MTX2: variants seen among roughly 807,000 people sequenced by gnomAD.
The protein encoded by MTX2 is metaxin 2.
A neutral mutation model predicts 42.3 loss-of-function variants in MTX2; 35 were observed. The ratio of observed to expected loss-of-function variants is 0.83; its 90% CI spans 0.63 to 1.10. The LOEUF is 1.10. MTX2 is among the 50% of genes least tolerant of loss of function. The pLI is 0.00. For missense variants in MTX2, 307 were observed against 304.1 expected (o/e 1.01, Z -0.07); for synonymous variants, 119 against 100.9 (o/e 1.18, Z -1.08).
chr2:176,286,673 C>G (rs1693210345), intron 1 of MTX2, among the ~76,000 whole-genome samples: 1 of 152,036 alleles, frequency 6.6e-6, no homozygotes, highest in Non-Finnish European at 1.5e-5. Flanking sequence ...CCTCAGCCTC[C>G]CAAGTAGCTG....
chr2:176,310,899 G>T (rs1684287525), intron 3 of MTX2, among the ~76,000 whole-genome samples: 1 of 152,108 alleles, frequency 6.6e-6, no homozygotes, highest in African/African-American at 2.4e-5. Context: ...GCCTACTTCT[G>T]TCAACTTGTG....
chr2:176,337,828 AT>A lies in MTX2; in HGVS notation c.*166del, dbSNP rs1685034149. On this transcript the variant is annotated 3_prime_UTR_variant, in exon 10 of 10. Coordinates refer to ENST00000249442, the MANE Select transcript of MTX2 (RefSeq NM_006554.5). The stretch of plus-strand genomic sequence containing the variant: ...GCTTTATATTGTTATTTGTGTATAC[AT>A]TAAAATAATTCTGAATTATTTAATC... The A allele has an allele frequency of 2.3e-5, 12 of 512,646 alleles. No homozygotes were observed. In the East Asian group the frequency reaches 4.2e-4, roughly 18 times the overall value. The allele number at this position is 512,646 out of a possible 1,614,324, so 31.8% of individuals were successfully genotyped here. A position where few individuals can be genotyped will look rare whatever the true frequency, so the allele number is the denominator to read the frequency against.
At position 176,269,598 on chromosome 2, in the gene MTX2, C is replaced by A; in HGVS notation, c.-32C>A. 6.4e-7 allele frequency: 1 copy of A among 1,567,654 alleles called. No homozygotes were observed. The highest frequency in any genetic ancestry group is 8.6e-7 in the Non-Finnish European group (1 of 1,161,006). On this transcript the variant is annotated 5_prime_UTR_variant, in exon 1 of 10. Coordinates refer to ENST00000249442, the MANE Select transcript of MTX2 (RefSeq NM_006554.5). ...GGAGGACGCTGAGGCCCGTGGGGGG[C>A]AGGCACCCGGGCGCCGGGCCTCCCA...
intron 3 of MTX2, chr2:176,304,173 T>C (rs1684091081): frequency 6.5e-6 from 1 of 154,404 alleles, no homozygotes; most frequent in African/African-American, 2.4e-5. Context: ...TTCATATAGT[T>C]CTAAGATGAA....
chr2:176,279,542 G>A (rs1399348000), intron 1 of MTX2, among the ~76,000 whole-genome samples: 3 of 152,006 alleles, frequency 2.0e-5, no homozygotes, highest in Non-Finnish European at 2.9e-5. Context: ...AAAAGATTAT[G>A]TCTTTATGAG....
intron 3 of MTX2, among the ~76,000 whole-genome samples, chr2:176,305,091 AAG>A (rs1430279020): frequency 1.3e-5 from 2 of 152,058 alleles, no homozygotes; most frequent in African/African-American, 4.8e-5. Flanking sequence ...GGTGCAACTA[AAG>A]AGAGTGTGCT....
intron 3 of MTX2, among the ~76,000 whole-genome samples, chr2:176,316,433 T>C (rs374386914): frequency 2.6e-5 from 4 of 152,046 alleles, no homozygotes; most frequent in Non-Finnish European, 5.9e-5. Context: ...CAGGGTCTTA[T>C]GCCCATCACC....
chr2:176,305,677 CT>C lies in MTX2; in HGVS notation c.135+7785del, dbSNP rs1237339652. 7.2e-5 allele frequency among the ~76,000 whole-genome samples: 11 copies of C among 152,164 alleles called. No homozygotes were observed. The East Asian group carries it at 2.1e-3, about 29-fold the overall frequency. ...TCTATTCTAATTGTCTCTTTTGTTGCTTTCAGAAATAACCTGATTTTTTTCT... is the reference window on the plus strand; with the variant it reads ...TCTATTCTAATTGTCTCTTTTGTTGCTTCAGAAATAACCTGATTTTTTTCT... On this transcript the variant is annotated intron_variant, in intron 3 of 9. Transcript: ENST00000249442.
intron 3 of MTX2, among the ~76,000 whole-genome samples, chr2:176,305,741 A>C (rs952693122): frequency 6.6e-6 from 1 of 152,110 alleles, no homozygotes; most frequent in Non-Finnish European, 1.5e-5. Flanking sequence ...AATTGACTCA[A>C]ATATTCCAGG....
chr2:176,318,258 AT>A (rs976167927), intron 3 of MTX2, among the ~76,000 whole-genome samples: 2 of 151,278 alleles, frequency 1.3e-5, no homozygotes. Context: ...TTTCCTGTGA[AT>A]TTTTTTTTAA....
intron 3 of MTX2, among the ~76,000 whole-genome samples, chr2:176,314,140 T>C (rs1684381958): frequency 6.6e-6 from 1 of 151,984 alleles, no homozygotes; most frequent in South Asian, 2.1e-4. Flanking sequence ...TCAGAAACCA[T>C]CATATTTAAA....
rs763268568 is a variant in MTX2 at position 176,329,356 on chromosome 2, C to G, written c.473C>G (p.Ala158Gly). Reference sequence around the variant, plus strand: ...CCTTGGCCTCTGAATCATATTTTGGCCTATCAAAAACAGTGGGAAGTCAAA... The same window carrying G: ...CCTTGGCCTCTGAATCATATTTTGGGCTATCAAAAACAGTGGGAAGTCAAA... ...PYPWPLNHILAYQKQWEVKRK... is the reference protein window; with the variant it reads ...PYPWPLNHILGYQKQWEVKRK... The change falls in exon 8 of 10, where the codon GCC becomes GGC. Residue 158 changes from alanine (A) to glycine (G), a missense_variant. Coordinates refer to ENST00000249442, the MANE Select transcript of MTX2 (RefSeq NM_006554.5). The G allele has an allele frequency of 5.0e-6, 8 of 1,607,604 alleles. No individual in the cohort carries two copies. The highest frequency in any genetic ancestry group is 6.8e-6 in the Non-Finnish European group (8 of 1,175,638).
rs1036893449 is a variant in MTX2, at chr2:176,337,782, T to C, written c.*118T>C. Reference sequence around the variant, plus strand: ...TACTGCTTTTTGAAACCTCAAATTATATAATGTATCTTATGTATGTGCTTT... The same window carrying C: ...TACTGCTTTTTGAAACCTCAAATTACATAATGTATCTTATGTATGTGCTTT... On this transcript the variant is annotated 3_prime_UTR_variant, in exon 10 of 10. Coordinates refer to ENST00000249442, the MANE Select transcript of MTX2 (RefSeq NM_006554.5). The C allele has an allele frequency of 1.1e-6, 1 of 870,162 alleles. No homozygotes were observed. Among genetic ancestry groups the C allele is most frequent in the Non-Finnish European group, 1.7e-6 (1 of 573,994 alleles). 53.9% of individuals were successfully genotyped at this position (870,162 alleles called of 1,614,324 possible).
chr2:176,294,303 AAGAC>A (rs1683789855), intron 1 of MTX2, among the ~76,000 whole-genome samples: 2 of 136,828 alleles, frequency 1.5e-5, no homozygotes, highest in Middle Eastern at 4.0e-3. Flanking sequence ...TTTTTTTCCT[AAGAC>A]AGAGTCTCCC....
At chr2:176,271,322 T>G (rs1692800751) in intron 1 of MTX2, among the ~76,000 whole-genome samples, 2 of 152,178 alleles carry the variant, frequency 1.3e-5, no homozygotes, top group African/African-American at 4.8e-5. Context: ...ATAGATTATT[T>G]TAATAATCCT....
chr2:176,290,679 A>G (rs1354697471), intron 1 of MTX2, among the ~76,000 whole-genome samples: 11 of 152,128 alleles, frequency 7.2e-5, no homozygotes, highest in African/African-American at 2.6e-4. Flanking sequence ...AATGATACCT[A>G]CATGGTTGAT....
At chr2:176,276,830 C>G (rs926045894) in intron 1 of MTX2, among the ~76,000 whole-genome samples, 2 of 151,994 alleles carry the variant, frequency 1.3e-5, no homozygotes, top group Non-Finnish European at 2.9e-5. Flanking sequence ...CGGTGCCTTG[C>G]CATATTTTAA....
At chr2:176,306,903 T>G (rs1684163286) in intron 3 of MTX2, among the ~76,000 whole-genome samples, 1 of 152,210 alleles carries the variant, frequency 6.6e-6, no homozygotes, top group Non-Finnish European at 1.5e-5. Context: ...CAGAAGCTCT[T>G]TAGTTTAATT....
intron 1 of MTX2, among the ~76,000 whole-genome samples, chr2:176,277,607 G>C (rs1250355741): frequency 6.6e-6 from 1 of 152,146 alleles, no homozygotes; most frequent in African/African-American, 2.4e-5. Flanking sequence ...TCTCCACATT[G>C]TTCAGGCTGG....
Sources: gnomAD v4.1 joint callset for allele counts (sites outside exome capture counted in the v4.1 genomes callset) on GRCh38, gnomAD v4.1.1 for gene constraint, MANE v1.5 for transcripts, NCBI Gene and HGNC (gene_info 2026-07-23, HGNC 2026-07-21) for gene names.